The following PARG variants were observed in gnomAD, a reference collection of about 807,000 sequenced individuals.
The protein encoded by PARG is poly(ADP-ribose) glycohydrolase, also known as mitochondrial poly(ADP-ribose) glycohydrolase.
In PARG, 35 loss-of-function variants were observed where a neutral mutation model predicts 113.0. The ratio of observed to expected loss-of-function variants is 0.31; its 90% CI spans 0.24 to 0.41. The LOEUF (loss-of-function observed/expected upper bound fraction) is 0.41, where lower values mean the gene tolerates loss of function less well. Ranked by LOEUF, PARG falls within the 10% of genes least tolerant of loss-of-function variation. PARG has a pLI of 1.00. For missense variants in PARG, 797 were observed against 1,169.4 expected (o/e 0.68, Z 4.64); for synonymous variants, 330 against 409.9 (o/e 0.81, Z 2.36).
chr10:49,882,024 C>T (rs1847241082), intron 8 of PARG, among the ~76,000 whole-genome samples: 1 of 152,128 alleles, frequency 6.6e-6, no homozygotes, highest in African/African-American at 2.4e-5. Context: ...CCAAGTTATT[C>T]AGAAAAATGA....
chr10:49,932,754 T>C (rs1278651205), intron 3 of PARG, among the ~76,000 whole-genome samples: 3 of 152,156 alleles, frequency 2.0e-5, no homozygotes, highest in Middle Eastern at 6.8e-3. Flanking sequence ...TGAATTCTCT[T>C]ACCCAAATCT....
Position 49,848,059 on chromosome 10 carries a change from C to T in PARG, c.2354-4427G>A, listed in dbSNP as rs1440344583. ...TTTCATATACATACACATAAAAACACGTAATATAAGGCCAGGCGGGGTGGC... is the reference window on the plus strand; with the variant it reads ...TTTCATATACATACACATAAAAACATGTAATATAAGGCCAGGCGGGGTGGC... On this transcript the variant is annotated intron_variant, in intron 13 of 17. Coordinates refer to ENST00000616448, the MANE Select transcript of PARG (RefSeq NM_003631.5). Among the ~76,000 whole-genome samples the T allele has an allele frequency of 1.1e-4, 16 of 152,202 alleles. No individual in the cohort carries two copies. In the East Asian group the frequency reaches 1.9e-3, roughly 18 times the overall value.
chr10:49,891,308 T>C (rs1283245839), intron 7 of PARG, among the ~76,000 whole-genome samples: 8 of 151,850 alleles, frequency 5.3e-5, no homozygotes, highest in Non-Finnish European at 8.8e-5. Flanking sequence ...AGTGAGACTT[T>C]GTCTCAAAAA....
intron 10 of PARG, among the ~76,000 whole-genome samples, chr10:49,867,946 T>C (rs1232425269): frequency 2.6e-5 from 4 of 152,036 alleles, no homozygotes; most frequent in Admixed American, 6.5e-5. Context: ...AAAAAACCAA[T>C]AGTAATAATT....
At chr10:49,917,975 C>G (rs1458653860) in intron 6 of PARG, among the ~76,000 whole-genome samples, 3 of 151,904 alleles carry the variant, frequency 2.0e-5, no homozygotes, top group Admixed American at 2.0e-4. Flanking sequence ...AGCAAACTAT[C>G]AATATATTGA....
At chr10:49,928,468 G>A (rs1267699704) in intron 4 of PARG, among the ~76,000 whole-genome samples, 6 of 152,118 alleles carry the variant, frequency 3.9e-5, no homozygotes, top group Non-Finnish European at 7.4e-5. Flanking sequence ...TTGCATGCAC[G>A]CACGTATGCA....
chr10:49,843,568 T>C lies in PARG; in HGVS notation c.2418A>G (p.Glu806=). ...AETYRWSRSH[E]DGSERDDWQR... The stretch of plus-strand genomic sequence containing the variant: ...AACAGACTCACCTTTCACTCCCATC[T>C]TCGTGGCTCCGGGACCAACGATATG... Residue 806 remains glutamate (E), a synonymous_variant, in exon 14 of 18, where the codon GAA becomes GAG. Transcript: ENST00000616448. 6.5e-7 allele frequency: 1 copy of C among 1,549,858 alleles called. No homozygotes were observed. The highest frequency in any genetic ancestry group is 1.2e-5 in the South Asian group (1 of 84,030).
At position 49,850,300 on chromosome 10, in the gene PARG, C is replaced by A. The variant is rs868963292; in HGVS notation, c.2354-6668G>T. Among the ~76,000 whole-genome samples, 960 of 141,616 alleles carry A rather than the reference C, an allele frequency of 6.8e-3. 14 individuals carry two copies. Among genetic ancestry groups the A allele is most frequent in the African/African-American group, 0.024 (881 of 37,422 alleles). 92.9% of individuals were successfully genotyped at this position (141,616 alleles called of 152,430 possible). On this transcript the variant is annotated intron_variant, in intron 13 of 17. Coordinates refer to ENST00000616448, the MANE Select transcript of PARG (RefSeq NM_003631.5). ...AAGTGGATCTTCACTAGCTAGGTGA[C>A]CTTAGATAACCAAACCTCACTGGAC...
intron 7 of PARG, among the ~76,000 whole-genome samples, chr10:49,895,550 C>A (rs566234952): frequency 3.7e-4 from 56 of 152,024 alleles, no homozygotes; most frequent in African/African-American, 1.4e-3. Flanking sequence ...AGTATATGTG[C>A]CCGCCACCAC....
At position 49,853,024 on chromosome 10, in the gene PARG, T is replaced by TA. The variant is rs1304201606; in HGVS notation, c.2353+4281dup. 2.0e-4 allele frequency among the ~76,000 whole-genome samples: 29 copies of TA among 147,538 alleles called. 1 individual carries two copies. The highest frequency in any genetic ancestry group is 2.7e-4 in the Admixed American group (4 of 14,680). On this transcript the variant is annotated intron_variant, in intron 13 of 17. Transcript: ENST00000616448. ...TTCAATCCAAATCTACCTTAACAGCTAAAAAAAAAATTTTTTTTTTTTTTT... is the reference window on the plus strand; with the variant it reads ...TTCAATCCAAATCTACCTTAACAGCTAAAAAAAAAAATTTTTTTTTTTTTTT...
intron 7 of PARG, among the ~76,000 whole-genome samples, chr10:49,894,501 C>T (rs1554842269): frequency 2.0e-5 from 3 of 151,978 alleles, no homozygotes; most frequent in African/African-American, 7.3e-5. Flanking sequence ...CCTCTAGAAG[C>T]TTTATAGTTT....
intron 7 of PARG, among the ~76,000 whole-genome samples, chr10:49,897,917 G>A (rs1407508754): frequency 8.5e-5 from 13 of 152,222 alleles, no homozygotes; most frequent in African/African-American, 1.9e-4. Flanking sequence ...GCTTGAGCTC[G>A]GGAGGTGGAG....
At chr10:49,824,027 A>G (rs1554829094) in intron 16 of PARG, among the ~76,000 whole-genome samples, 1 of 152,160 alleles carries the variant, frequency 6.6e-6, no homozygotes, top group African/African-American at 2.4e-5. Flanking sequence ...CCAGCTATCT[A>G]GCTCTGTGAC....
At chr10:49,864,945 C>A in intron 11 of PARG, among the ~76,000 whole-genome samples, 1 of 139,204 alleles carries the variant, frequency 7.2e-6, no homozygotes, top group East Asian at 2.1e-4. Flanking sequence ...TCTTGTCCTC[C>A]AGAAAGAAAA....
intron 13 of PARG, among the ~76,000 whole-genome samples, chr10:49,844,791 A>G (rs1367416277): frequency 6.6e-6 from 1 of 152,154 alleles, no homozygotes; most frequent in Non-Finnish European, 1.5e-5. Context: ...CAAACAATGA[A>G]AAAACACCTT....
At chr10:49,857,093 C>T (rs1245388115) in intron 13 of PARG, among the ~76,000 whole-genome samples, 1 of 149,266 alleles carries the variant, frequency 6.7e-6, no homozygotes, top group Non-Finnish European at 1.5e-5. Context: ...AAAGATGCCA[C>T]GAAAGAAAGA....
intron 7 of PARG, among the ~76,000 whole-genome samples, chr10:49,896,473 T>C (rs192747946): frequency 4.6e-3 from 696 of 152,180 alleles, no homozygotes; most frequent in East Asian, 0.018. Context: ...TTAGTAGAGA[T>C]GGAGTTTTAC....
intron 7 of PARG, among the ~76,000 whole-genome samples, chr10:49,901,958 C>T (rs373454735): frequency 4.2e-3 from 643 of 151,998 alleles, no homozygotes; most frequent in East Asian, 0.016. Flanking sequence ...GGATGGCAGC[C>T]GGCAGCCACA....
chr10:49,898,923 C>T (rs1380973584), intron 7 of PARG, among the ~76,000 whole-genome samples: 1 of 152,136 alleles, frequency 6.6e-6, no homozygotes, highest in African/African-American at 2.4e-5. Flanking sequence ...TTTCTGCTTT[C>T]TGTTGTTATT....
Sources: allele counts gnomAD v4.1 joint callset (sites outside exome capture counted in the v4.1 genomes callset), GRCh38; gene constraint gnomAD v4.1.1; transcripts MANE v1.5; gene names NCBI Gene and HGNC (gene_info 2026-07-23, HGNC 2026-07-21).